Variants in PUDP observed in about 807,000 individuals in gnomAD.
PUDP encodes pseudouridine 5'-phosphatase, also known as pseudouridine-5'-phosphatase.
A neutral mutation model predicts 9.4 loss-of-function variants in PUDP; 8 were observed. The observed-to-expected ratio is 0.85, with a 90% confidence interval of 0.50 to 1.53. The LOEUF is 1.53. Ranked by LOEUF, PUDP falls within the 40% of genes most tolerant of loss-of-function variation. The probability of loss-of-function intolerance (pLI) is 0.00; values close to 1 mark genes in which losing one functional copy is unlikely to be tolerated. For synonymous variants in PUDP, 99 were observed against 80.7 expected (o/e 1.23, Z -1.22); for missense variants, 188 against 189.7 (o/e 0.99, Z 0.05).
intron 3 of PUDP, among the ~76,000 whole-genome samples, chrX:6,960,659 G>C (rs1462793676): frequency 8.9e-6 from 1 of 112,105 alleles, no homozygotes; most frequent in African/African-American, 3.2e-5. Flanking sequence ...AATCACACTA[G>C]GTATTTCCAC....
At chrX:7,094,457 C>T (rs779707278) in intron 2 of PUDP, among the ~76,000 whole-genome samples, 1 of 108,808 alleles carries the variant, frequency 9.2e-6, no homozygotes, top group South Asian at 4.1e-4. Context: ...CGCGGGTTCA[C>T]GCCTTTCTCC....
rs1055213275 is a variant in PUDP, at chrX:7,003,277, G to T, written c.205-24934C>A. Among the ~76,000 whole-genome samples the T allele has an allele frequency of 5.4e-5, 6 of 111,232 alleles. No individual in the cohort carries two copies. In the Admixed American group the frequency reaches 5.7e-4, roughly 11 times the overall value. ...AAACTATAAAGAAAAGCCAGAGAAT[G>T]ATACCAAAAAAATTGGGGAGATCAT... On this transcript the variant is annotated intron_variant and NMD_transcript_variant, in intron 1 of 3. Transcript: ENST00000655425.
rs1246172725 is a variant in PUDP at position 6,857,733 on chromosome X, A to C, written c.*247+119400T>G. On this transcript the variant is annotated intron_variant and NMD_transcript_variant, in intron 3 of 3. Transcript: ENST00000655425. ...ACACCTGTGAGCCACCCTCTGTGCC[A>C]GCAAATGGTGGGGATTTAAAAATGA... is the stretch of plus-strand genomic sequence containing the variant. Among the ~76,000 whole-genome samples the C allele has an allele frequency of 3.5e-4, 39 of 112,016 alleles. No individual in the cohort carries two copies. In the Admixed American group the frequency reaches 3.7e-3, roughly 11 times the overall value.
intron 3 of PUDP, among the ~76,000 whole-genome samples, chrX:6,778,935 AG>A (rs1333836992): frequency 8.9e-6 from 1 of 112,250 alleles, no homozygotes; most frequent in Non-Finnish European, 1.9e-5. Context: ...TCAAGAATGC[AG>A]GAGTGCGGCC....
chrX:6,927,345 T>C (rs1420601946), intron 3 of PUDP, among the ~76,000 whole-genome samples: 2 of 112,327 alleles, frequency 1.8e-5, no homozygotes, highest in African/African-American at 6.5e-5. Context: ...ATTAGGTGTT[T>C]AGTGAATCAC....
intron 3 of PUDP, among the ~76,000 whole-genome samples, chrX:6,919,812 T>C (rs1216922412): frequency 1.2e-5 from 1 of 85,422 alleles, no homozygotes; most frequent in East Asian, 3.6e-4. Context: ...TGAGCCAAGA[T>C]TGAGCCATTG....
At chrX:6,957,209 G>A (rs1237083647) in intron 3 of PUDP, among the ~76,000 whole-genome samples, 2 of 110,812 alleles carry the variant, frequency 1.8e-5, no homozygotes, top group South Asian at 3.9e-4. Flanking sequence ...ATCAGTCAAG[G>A]TCGGCTATGG....
intron 3 of PUDP, among the ~76,000 whole-genome samples, chrX:6,871,723 A>G (rs7885385): frequency 0.11 from 12,029 of 110,244 alleles, 767 homozygotes; most frequent in African/African-American, 0.24. Context: ...TGAGATTTTC[A>G]GTGTCAAAAC....
At chrX:6,881,600 G>C (rs1406252988) in intron 3 of PUDP, among the ~76,000 whole-genome samples, 1 of 111,924 alleles carries the variant, frequency 8.9e-6, no homozygotes, top group African/African-American at 3.2e-5. Flanking sequence ...CCCCAGTAGG[G>C]ATAGGAGTGC....
intron 3 of PUDP, among the ~76,000 whole-genome samples, chrX:6,824,213 TC>T (rs1926390557): frequency 9.0e-6 from 1 of 111,242 alleles, no homozygotes; most frequent in Non-Finnish European, 1.9e-5. Context: ...TAAGGGGCTT[TC>T]CCCCCTTTTG....
At chrX:6,779,643 A>T (rs1017182873) in intron 3 of PUDP, among the ~76,000 whole-genome samples, 1 of 112,161 alleles carries the variant, frequency 8.9e-6, no homozygotes, top group Non-Finnish European at 1.9e-5. Context: ...TATTGTCAAG[A>T]AAAAGGTAGG....
chrX:6,859,908 G>C (rs1417963237), intron 3 of PUDP, among the ~76,000 whole-genome samples: 2 of 112,196 alleles, frequency 1.8e-5, no homozygotes, highest in Admixed American at 1.9e-4. Context: ...TCTCCTTTAT[G>C]GGTTGGCCTC....
At chrX:6,750,178 C>A (rs1925050425) in intron 3 of PUDP, among the ~76,000 whole-genome samples, 1 of 111,716 alleles carries the variant, frequency 9.0e-6, no homozygotes, top group South Asian at 3.8e-4. Flanking sequence ...CGTTCATGTT[C>A]AAAAGGCTGG....
intron 3 of PUDP, among the ~76,000 whole-genome samples, chrX:6,811,075 C>A (rs750760555): frequency 1.8e-5 from 2 of 111,626 alleles, no homozygotes; most frequent in African/African-American, 6.5e-5. Flanking sequence ...CACTAAGAAC[C>A]CCTTGCTGCT....
chrX:6,956,353 C>A (rs1317782141), intron 3 of PUDP, among the ~76,000 whole-genome samples: 1 of 109,580 alleles, frequency 9.1e-6, no homozygotes, highest in Non-Finnish European at 1.9e-5. Flanking sequence ...TATGCATCTT[C>A]AGTGGGGGCA....
At chrX:6,723,403 C>A (rs2146656241), upstream of PUDP, among the ~76,000 whole-genome samples, 1 of 83,542 alleles carries the variant, frequency 1.2e-5, no homozygotes, top group African/African-American at 5.0e-5. Context: ...TCACTGCAGT[C>A]CATCCTGGGT....
intron 1 of PUDP, among the ~76,000 whole-genome samples, chrX:7,143,744 A>G (rs965999378): frequency 4.5e-5 from 5 of 112,230 alleles, no homozygotes; most frequent in Admixed American, 2.8e-4. Flanking sequence ...TGCTTTCTAT[A>G]TTCCAGAAGC....
intron 1 of PUDP, among the ~76,000 whole-genome samples, chrX:7,017,956 C>T (rs1353999667): frequency 9.0e-6 from 1 of 111,645 alleles, no homozygotes; most frequent in Non-Finnish European, 1.9e-5. Flanking sequence ...CTGGCTAAAA[C>T]CCACCAAAAC....
At chrX:6,838,396 C>T (rs1216324952) in intron 3 of PUDP, among the ~76,000 whole-genome samples, 1 of 112,332 alleles carries the variant, frequency 8.9e-6, no homozygotes, top group Non-Finnish European at 1.9e-5. Flanking sequence ...GCAGATAGCT[C>T]AGAGCAAAAA....
Sources: gnomAD v4.1 joint callset for allele counts (sites outside exome capture counted in the v4.1 genomes callset) on GRCh38, gnomAD v4.1.1 for gene constraint, MANE v1.5 for transcripts, NCBI Gene and HGNC (gene_info 2026-07-23, HGNC 2026-07-21) for gene names.